PCDHB13: variants seen among roughly 807,000 people sequenced by gnomAD.
PCDHB13 encodes protocadherin beta-13.
For missense variants in PCDHB13, 1,065 were observed against 1,016.7 expected (o/e 1.05, Z -0.65); for synonymous variants, 515 against 450.7 (o/e 1.14, Z -1.81).
chr5:141,215,702 T>C lies in PCDHB13; in HGVS notation c.1579T>C (p.Phe527Leu), dbSNP rs782424152. Residue 527 changes from phenylalanine to leucine, a missense_variant, in exon 1 of 1, where the codon TTC becomes CTC. Phe to Leu is a conservative substitution (Grantham distance 22). Coordinates refer to ENST00000341948, the MANE Select transcript of PCDHB13 (RefSeq NM_018933.4). Reference protein sequence around the residue: ...RSLDYEALQGFQFRVGASDHG... With the variant: ...RSLDYEALQGLQFRVGASDHG... ...TCTGGACTACGAGGCCCTGCAGGGG[T>C]TCCAGTTCCGCGTGGGCGCTTCAGA... is the stretch of plus-strand genomic sequence containing the variant. 6.2e-7 allele frequency: 1 copy of C among 1,612,798 alleles called. No individual in the cohort carries two copies. The highest frequency in any genetic ancestry group is 8.5e-7 in the Non-Finnish European group (1 of 1,179,888).
rs1754558888 is a variant in PCDHB13 at position 141,215,142 on chromosome 5, A to T, written c.1019A>T (p.Asp340Val). The T allele has an allele frequency of 6.2e-7, 1 of 1,614,064 alleles. No individual in the cohort carries two copies. Among genetic ancestry groups the T allele is most frequent in the Non-Finnish European group, 8.5e-7 (1 of 1,180,050 alleles). ...GKCTVLIQVIDVNDHAPEVTM... is the reference protein window; with the variant it reads ...GKCTVLIQVIVVNDHAPEVTM... ...TGCACCGTTCTGATTCAAGTGATAG[A>T]TGTGAACGACCATGCCCCAGAAGTT... The change falls in exon 1 of 1, where the codon GAT (aspartate) becomes GTT (valine). Residue 340 changes from aspartate (D) to valine (V), a missense_variant. Coordinates refer to ENST00000341948, the MANE Select transcript of PCDHB13 (RefSeq NM_018933.4).
In PCDHB13 at chr5:141,216,041, C is replaced by T. The variant is rs1554288086; in HGVS notation, c.1918C>T (p.Leu640=). 2.5e-6 allele frequency: 4 copies of T among 1,606,568 alleles called. No homozygotes were observed. The highest frequency in any genetic ancestry group is 3.4e-6 in the Non-Finnish European group (4 of 1,179,480). The change falls in exon 1 of 1, where the codon CTG becomes TTG. Residue 640 remains leucine (L), a synonymous_variant. Coordinates refer to ENST00000341948, the MANE Select transcript of PCDHB13 (RefSeq NM_018933.4). ...CGAGCGCGACGCGGCCAAGCACAGG[C>T]TGGTGGTGCTGGTCAAGGACAATGG... ...LSERDAAKHR[L]VVLVKDNGEP...
rs1478686466 is a variant in PCDHB13 at position 141,214,260 on chromosome 5, T to C, written c.137T>C (p.Val46Ala). Reference protein sequence around the residue: ...VVEETEGSSFVTNLAKDLGLE... With the variant: ...VVEETEGSSFATNLAKDLGLE... Reference sequence around the variant, plus strand: ...GAGGAAACTGAGGGCAGCTCCTTTGTCACCAATTTAGCAAAGGACCTGGGT... The same window carrying C: ...GAGGAAACTGAGGGCAGCTCCTTTGCCACCAATTTAGCAAAGGACCTGGGT... The change falls in exon 1 of 1, where the codon GTC becomes GCC. Residue 46 changes from valine to alanine, a missense_variant. Val to Ala is a moderately conservative substitution (Grantham distance 64, BLOSUM62 0). Coordinates refer to ENST00000341948, the MANE Select transcript of PCDHB13 (RefSeq NM_018933.4). 6.3e-6 allele frequency: 10 copies of C among 1,578,632 alleles called. No individual in the cohort carries two copies. The highest frequency in any genetic ancestry group is 2.2e-5 in the East Asian group (1 of 44,624).
In PCDHB13 at chr5:141,214,465, C is replaced by T. The variant is rs1554287623; in HGVS notation, c.342C>T (p.Pro114=). The T allele has an allele frequency of 6.4e-7, 1 of 1,567,366 alleles. No homozygotes were observed. The highest frequency in any genetic ancestry group is 8.8e-7 in the Non-Finnish European group (1 of 1,140,704). The change falls in exon 1 of 1, where the codon CCC becomes CCT. Residue 114 remains proline, a synonymous_variant. Coordinates refer to ENST00000341948, the MANE Select transcript of PCDHB13 (RefSeq NM_018933.4). The part of the protein sequence containing the change: ...VLRFQVLLES[P]FEFFQAELQV... Reference sequence around the variant, plus strand: ...GTTTCCAAGTGTTGCTAGAGAGTCCCTTCGAGTTTTTTCAAGCTGAGCTGC... The same window carrying T: ...GTTTCCAAGTGTTGCTAGAGAGTCCTTTCGAGTTTTTTCAAGCTGAGCTGC...
Position 141,215,257 on chromosome 5 carries a change from A to C in PCDHB13, c.1134A>C (p.Glu378Asp). The part of the protein sequence containing the change: ...LFSVSDLDSG[E>D]NGKISCSIQE... Reference sequence around the variant, plus strand: ...GTGTTTCAGATCTTGATTCAGGAGAAAATGGGAAAATTAGTTGCTCCATTC... The same window carrying C: ...GTGTTTCAGATCTTGATTCAGGAGACAATGGGAAAATTAGTTGCTCCATTC... The change falls in exon 1 of 1, where the codon GAA becomes GAC. Residue 378 changes from glutamate to aspartate, a missense_variant. Glu to Asp is a conservative substitution (Grantham distance 45, BLOSUM62 2). Transcript: ENST00000341948. 6.2e-7 allele frequency: 1 copy of C among 1,614,160 alleles called. No individual in the cohort carries two copies. The highest frequency in any genetic ancestry group is 8.5e-7 in the Non-Finnish European group (1 of 1,180,030).
Position 141,215,782 on chromosome 5 carries a change from C to G in PCDHB13, c.1659C>G (p.Asp553Glu), listed in dbSNP as rs782638665. 17 of 1,611,626 alleles carry G rather than the reference C, an allele frequency of 1.1e-5. No homozygotes were observed. The South Asian group carries it at 1.4e-4, about 14-fold the overall frequency. ...SEALVRVVVLDANDNSPFVLY... is the reference protein window; with the variant it reads ...SEALVRVVVLEANDNSPFVLY... ...CGCTGGTGCGCGTGGTGGTGCTGGACGCCAACGACAACTCGCCCTTCGTGC... is the reference window on the plus strand; with the variant it reads ...CGCTGGTGCGCGTGGTGGTGCTGGAGGCCAACGACAACTCGCCCTTCGTGC... Residue 553 changes from aspartate to glutamate, a missense_variant, in exon 1 of 1, where the codon GAC (aspartate) becomes GAG (glutamate). Transcript: ENST00000341948.
In PCDHB13 at chr5:141,214,100, A is replaced by C. The variant is rs782079473; in HGVS notation, c.-24A>C. ...TACAGTCCCACAGAACCGTCCTCCC[A>C]GGAAGCTGAATCCAGCAAGAACAAT... On this transcript the variant is annotated 5_prime_UTR_variant, in exon 1 of 1. Transcript: ENST00000341948. 2 of 1,614,052 alleles carry C rather than the reference A, an allele frequency of 1.2e-6. No individual in the cohort carries two copies. The highest frequency in any genetic ancestry group is 1.3e-5 in the African/African-American group (1 of 74,926).
At position 141,216,530 on chromosome 5, in the gene PCDHB13, A is replaced by G. The variant is rs1213320477; in HGVS notation, c.*10A>G. ...GTTCAATATTCAGTGACCATAGTTG[A>G]CTTTTACATTCCATAGGTATTTTAT... On this transcript the variant is annotated 3_prime_UTR_variant, in exon 1 of 1. Transcript: ENST00000341948. 1 of 1,589,762 alleles carries G rather than the reference A, an allele frequency of 6.3e-7. No homozygotes were observed. The highest frequency in any genetic ancestry group is 8.6e-7 in the Non-Finnish European group (1 of 1,157,988).
In PCDHB13 at chr5:141,215,572, C is replaced by G. The variant is rs782266868; in HGVS notation, c.1449C>G (p.Asn483Lys). 46 of 1,613,454 alleles carry G rather than the reference C, an allele frequency of 2.9e-5. No homozygotes were observed. The highest frequency in any genetic ancestry group is 3.7e-5 in the Non-Finnish European group (44 of 1,179,996). ...VSATDRDSGT[N>K]AQVTYSLLPP... ...CTACAGACAGAGACTCAGGCACCAA[C>G]GCCCAGGTCACCTACTCGCTGCTGC... is the stretch of plus-strand genomic sequence containing the variant. The change falls in exon 1 of 1, where the codon AAC becomes AAG. Residue 483 changes from asparagine (N) to lysine (K), a missense_variant. Coordinates refer to ENST00000341948, the MANE Select transcript of PCDHB13 (RefSeq NM_018933.4).
chr5:141,215,123 G>A lies in PCDHB13; in HGVS notation c.1000G>A (p.Val334Ile), dbSNP rs782354480. 26 of 1,614,126 alleles carry A rather than the reference G, an allele frequency of 1.6e-5. No individual in the cohort carries two copies. Among genetic ancestry groups the A allele is most frequent in the Admixed American group, 1.0e-4 (6 of 60,022 alleles). The stretch of plus-strand genomic sequence containing the variant: ...TGGAACCTTTTCTGGAAAATGCACC[G>A]TTCTGATTCAAGTGATAGATGTGAA... Reference protein sequence around the residue: ...DAGTFSGKCTVLIQVIDVNDH... With the variant: ...DAGTFSGKCTILIQVIDVNDH... The change falls in exon 1 of 1, where the codon GTT becomes ATT. Residue 334 changes from valine (V) to isoleucine (I), a missense_variant. Val to Ile is a conservative substitution (Grantham distance 29). Transcript: ENST00000341948.
In PCDHB13 at chr5:141,215,161, A is replaced by T. The variant is rs781832471; in HGVS notation, c.1038A>T (p.Pro346=). 2.5e-6 allele frequency: 4 copies of T among 1,614,094 alleles called. No homozygotes were observed. Among genetic ancestry groups the T allele is most frequent in the Non-Finnish European group, 3.4e-6 (4 of 1,180,050 alleles). ...TGATAGATGTGAACGACCATGCCCC[A>T]GAAGTTACCATGTCTGCATTTACCA... ...IQVIDVNDHA[P]EVTMSAFTSP... Residue 346 remains proline, a synonymous_variant, in exon 1 of 1, where the codon CCA becomes CCT. Transcript: ENST00000341948.
Position 141,215,417 on chromosome 5 carries a change from A to T in PCDHB13, c.1294A>T (p.Ile432Leu). ...TVTDLGTPMLITQLNMTVLIA... is the reference protein window; with the variant it reads ...TVTDLGTPMLLTQLNMTVLIA... ...CACTGACTTGGGGACCCCTATGCTG[A>T]TAACACAGCTCAATATGACCGTGCT... Residue 432 changes from isoleucine (I) to leucine (L), a missense_variant, in exon 1 of 1, where the codon ATA (isoleucine) becomes TTA (leucine). Coordinates refer to ENST00000341948, the MANE Select transcript of PCDHB13 (RefSeq NM_018933.4). 6.2e-7 allele frequency: 1 copy of T among 1,614,182 alleles called. No homozygotes were observed. The highest frequency in any genetic ancestry group is 8.5e-7 in the Non-Finnish European group (1 of 1,180,034).
Position 141,216,405 on chromosome 5 carries a change from C to G in PCDHB13, c.2282C>G (p.Thr761Ser). 1 of 1,614,142 alleles carries G rather than the reference C, an allele frequency of 6.2e-7. No homozygotes were observed. Among genetic ancestry groups the G allele is most frequent in the Non-Finnish European group, 8.5e-7 (1 of 1,180,018 alleles). Residue 761 changes from threonine to serine, a missense_variant, in exon 1 of 1, where the codon ACC (threonine) becomes AGC (serine). Physicochemically the swap from Thr to Ser is moderately conservative, Grantham distance 58 (BLOSUM62 1). Transcript: ENST00000341948. ...GTGTGTCTGGCAGGAGGCTCAGGGACCAATGAGTTCAAGTTCCTGAAGCCG... is the reference window on the plus strand; with the variant it reads ...GTGTGTCTGGCAGGAGGCTCAGGGAGCAATGAGTTCAAGTTCCTGAAGCCG... ...YEVCLAGGSG[T>S]NEFKFLKPII...
rs1033938796 is a variant in PCDHB13 at position 141,218,807 on chromosome 5, T to G, written c.*2287T>G. 2.4e-5 allele frequency: 4 copies of G among 166,994 alleles called. No homozygotes were observed. The highest frequency in any genetic ancestry group is 9.7e-5 in the African/African-American group (4 of 41,360). 10.3% of individuals were successfully genotyped at this position (166,994 alleles called of 1,614,324 possible). On this transcript the variant is annotated 3_prime_UTR_variant, in exon 1 of 1. Transcript: ENST00000341948. ...TTTTTGTAGAGATGGGTTCTCATCATGTCGCCCAGGCTGTTGAACTTCTGG... is the reference window on the plus strand; with the variant it reads ...TTTTTGTAGAGATGGGTTCTCATCAGGTCGCCCAGGCTGTTGAACTTCTGG...
In PCDHB13 at chr5:141,216,308, G is replaced by A. The variant is rs1554288177; in HGVS notation, c.2185G>A (p.Glu729Lys). The stretch of plus-strand genomic sequence containing the variant: ...CTCGGTGGGTCGCTGCTTGGTGCCC[G>A]AGGGCCCCCTTCCAGGGCATCTTGT... ...AASVGRCLVP[E>K]GPLPGHLVDM... The change falls in exon 1 of 1, where the codon GAG becomes AAG. Residue 729 changes from glutamate to lysine, a missense_variant. Physicochemically the swap from Glu to Lys is moderately conservative, Grantham distance 56. Coordinates refer to ENST00000341948, the MANE Select transcript of PCDHB13 (RefSeq NM_018933.4). 14 of 1,613,776 alleles carry A rather than the reference G, an allele frequency of 8.7e-6. No individual in the cohort carries two copies. Among genetic ancestry groups the A allele is most frequent in the Middle Eastern group, 1.6e-4 (1 of 6,062 alleles).
chr5:141,215,346 C>CACTA lies in PCDHB13; in HGVS notation c.1224_1227dup (p.Asp410ThrfsTer17). 1 of 1,614,126 alleles carries CACTA rather than the reference C, an allele frequency of 6.2e-7. No homozygotes were observed. Among genetic ancestry groups the CACTA allele is most frequent in the Non-Finnish European group, 8.5e-7 (1 of 1,180,034 alleles). Reference sequence around the variant, plus strand: ...TTTTACACCCTACTAACGGAGAGACCACTAGACAGAGAAAGCAGAGCGGAA... The same window carrying CACTA: ...TTTTACACCCTACTAACGGAGAGACCACTAACTAGACAGAGAAAGCAGAGCGGAA... On this transcript the variant is annotated frameshift_variant, in exon 1 of 1. Coordinates refer to ENST00000341948, the MANE Select transcript of PCDHB13 (RefSeq NM_018933.4). LOFTEE classifies it low-confidence loss of function (END_TRUNC).
In PCDHB13 at chr5:141,215,547, C is replaced by A. The variant is rs781894011; in HGVS notation, c.1424C>A (p.Ala475Asp). The A allele has an allele frequency of 1.3e-5, 21 of 1,613,826 alleles. No individual in the cohort carries two copies. The highest frequency in any genetic ancestry group is 1.8e-5 in the Non-Finnish European group (21 of 1,179,970). Residue 475 changes from alanine (A) to aspartate (D), a missense_variant, in exon 1 of 1, where the codon GCT becomes GAT. Coordinates refer to ENST00000341948, the MANE Select transcript of PCDHB13 (RefSeq NM_018933.4). ...GCCCTGCACATCCGCAGCGTCAGCG[C>A]TACAGACAGAGACTCAGGCACCAAC... ...SPALHIRSVS[A>D]TDRDSGTNAQ...
At position 141,215,313 on chromosome 5, in the gene PCDHB13, C is replaced by G. The variant is rs782629609; in HGVS notation, c.1190C>G (p.Ala397Gly). Reference sequence around the variant, plus strand: ...GATCTACCCTTCCTCCTGAAATCCGCGGAAAACTTTTACACCCTACTAACG... The same window carrying G: ...GATCTACCCTTCCTCCTGAAATCCGGGGAAAACTTTTACACCCTACTAACG... ...QEDLPFLLKS[A>G]ENFYTLLTER... is the part of the protein sequence containing the mutation. The change falls in exon 1 of 1, where the codon GCG (alanine) becomes GGG (glycine). Residue 397 changes from alanine to glycine, a missense_variant. Ala to Gly is a moderately conservative substitution (Grantham distance 60). Transcript: ENST00000341948. The G allele has an allele frequency of 1.1e-5, 17 of 1,613,922 alleles. No homozygotes were observed. The highest frequency in any genetic ancestry group is 3.3e-4 in the Middle Eastern group (2 of 6,084).
chr5:141,216,459 C>A lies in PCDHB13; in HGVS notation c.2336C>A (p.Pro779His). The A allele has an allele frequency of 6.2e-7, 1 of 1,614,084 alleles. No homozygotes were observed. Among genetic ancestry groups the A allele is most frequent in the Non-Finnish European group, 8.5e-7 (1 of 1,180,012 alleles). The change falls in exon 1 of 1, where the codon CCT becomes CAT. Residue 779 changes from proline (P) to histidine (H), a missense_variant. Physicochemically the swap from Pro to His is moderately conservative, Grantham distance 77. Coordinates refer to ENST00000341948, the MANE Select transcript of PCDHB13 (RefSeq NM_018933.4). The part of the protein sequence containing the change: ...PIIPNFPPQC[P>H]GKEIQGNSTF... ...ATCCCCAACTTCCCTCCCCAGTGCC[C>A]TGGGAAAGAAATACAAGGAAATTCT... is the stretch of plus-strand genomic sequence containing the variant.
Sources: gnomAD v4.1 joint callset for allele counts on GRCh38, gnomAD v4.1.1 for gene constraint, MANE v1.5 for transcripts, NCBI Gene and HGNC (gene_info 2026-07-23, HGNC 2026-07-21) for gene names.